POU6F2: variants seen among roughly 807,000 people sequenced by gnomAD.
POU6F2 encodes POU domain, class 6, transcription factor 2.
In POU6F2, 31 loss-of-function variants were observed where a neutral mutation model predicts 71.3. The ratio of observed to expected loss-of-function variants is 0.43; its 90% CI spans 0.33 to 0.59. The LOEUF is 0.59. Among genes scored for constraint, POU6F2 ranks in the 20% least tolerant of loss-of-function variants. POU6F2 has a pLI of 0.04. For synonymous variants in POU6F2, 347 were observed against 355.7 expected (o/e 0.98, Z 0.27); for missense variants, 783 against 856.8 (o/e 0.91, Z 1.07).
At position 39,339,956 on chromosome 7, in the gene POU6F2, C is replaced by T; in HGVS notation, c.913C>T (p.Pro305Ser). The stretch of plus-strand genomic sequence containing the variant: ...GCAGAGCTCCAGCCCCCCGCAGAAA[C>T]CTAGTCAGTCTCCAGGACATGGCCT... ...TQQSSSPPQK[P>S]SQSPGHGLPS... is the part of the protein sequence containing the mutation. Residue 305 changes from proline to serine, a missense_variant, in exon 5 of 10, where the codon CCT becomes TCT. Physicochemically the swap from Pro to Ser is moderately conservative, Grantham distance 74. Coordinates refer to ENST00000518318, the MANE Select transcript of POU6F2 (RefSeq NM_001370959.1). 3 of 1,613,946 alleles carry T rather than the reference C, an allele frequency of 1.9e-6. No individual in the cohort carries two copies. The highest frequency in any genetic ancestry group is 2.5e-6 in the Non-Finnish European group (3 of 1,179,850).
chr7:39,214,551 A>G (rs1794203508), intron 4 of POU6F2, among the ~76,000 whole-genome samples: 1 of 152,128 alleles, frequency 6.6e-6, no homozygotes, highest in Non-Finnish European at 1.5e-5. Context: ...TCTGTGTATG[A>G]TGTATTGCTA....
chr7:39,084,740 G>A (rs991430067), intron 1 of POU6F2, among the ~76,000 whole-genome samples: 9 of 151,900 alleles, frequency 5.9e-5, no homozygotes, highest in African/African-American at 9.7e-5. Context: ...CAGGCATACC[G>A]CAACCAATGC....
At chr7:39,216,445 A>T (rs1376062408) in intron 4 of POU6F2, among the ~76,000 whole-genome samples, 1 of 152,216 alleles carries the variant, frequency 6.6e-6, no homozygotes, top group Non-Finnish European at 1.5e-5. Context: ...GGCATACGAA[A>T]GAATGAATTC....
intron 5 of POU6F2, among the ~76,000 whole-genome samples, chr7:39,344,919 C>A (rs557642744): frequency 6.6e-6 from 1 of 152,122 alleles, no homozygotes; most frequent in Non-Finnish European, 1.5e-5. Flanking sequence ...TAAATCACTA[C>A]GCAGAATTCT....
chr7:39,047,975 A>T (rs1197739480), intron 1 of POU6F2, among the ~76,000 whole-genome samples: 1 of 151,764 alleles, frequency 6.6e-6, no homozygotes, highest in Non-Finnish European at 1.5e-5. Context: ...CTGCAATTTT[A>T]TTTTTTTATG....
chr7:39,228,392 C>T (rs1304168824), intron 4 of POU6F2, among the ~76,000 whole-genome samples: 1 of 152,160 alleles, frequency 6.6e-6, no homozygotes, highest in Non-Finnish European at 1.5e-5. Flanking sequence ...AAGTAGAAAG[C>T]ACATAGCCCT....
intron 5 of POU6F2, among the ~76,000 whole-genome samples, chr7:39,382,746 A>G (rs1583563794): frequency 6.6e-6 from 1 of 152,308 alleles, no homozygotes; most frequent in East Asian, 1.9e-4. Flanking sequence ...CTAGAGCCTT[A>G]GAATAGGGCA....
chr7:39,287,719 C>T (rs1239968106), intron 4 of POU6F2, among the ~76,000 whole-genome samples: 1 of 152,126 alleles, frequency 6.6e-6, no homozygotes, highest in African/African-American at 2.4e-5. Context: ...CTTTGGTTCC[C>T]AGGTGCTTTG....
Position 39,345,036 on chromosome 7 carries a change from A to G in POU6F2, c.972+5021A>G, listed in dbSNP as rs576005897. Among the ~76,000 whole-genome samples the G allele has an allele frequency of 6.8e-4, 103 of 152,354 alleles. 1 individual carries two copies. The South Asian group carries it at 0.019, about 28-fold the overall frequency. ...ATAATGTTTGAATGAAATATTTTCA[A>G]AAATCAAAATGAACGCCAAAAGTCT... is the stretch of plus-strand genomic sequence containing the variant. On this transcript the variant is annotated intron_variant, in intron 5 of 9. Coordinates refer to ENST00000518318, the MANE Select transcript of POU6F2 (RefSeq NM_001370959.1).
intron 4 of POU6F2, among the ~76,000 whole-genome samples, chr7:39,300,653 G>A (rs997034544): frequency 6.6e-6 from 1 of 151,914 alleles, no homozygotes; most frequent in Non-Finnish European, 1.5e-5. Flanking sequence ...TCTGTCCCAG[G>A]CCTCTCTCCT....
chr7:39,056,668 G>C (rs1490448401), intron 1 of POU6F2, among the ~76,000 whole-genome samples: 1 of 130,658 alleles, frequency 7.7e-6, no homozygotes, highest in African/African-American at 2.9e-5. Context: ...CTCTCTGTGT[G>C]TGTGTGTGTA....
At chr7:39,404,124 T>C (rs1787365492) in intron 5 of POU6F2, among the ~76,000 whole-genome samples, 3 of 152,198 alleles carry the variant, frequency 2.0e-5, no homozygotes, top group Non-Finnish European at 4.4e-5. Context: ...GAAATAAACA[T>C]TAAAAATAAG....
intron 1 of POU6F2, among the ~76,000 whole-genome samples, chr7:38,986,334 G>C (rs1788463284): frequency 6.6e-6 from 1 of 152,070 alleles, no homozygotes; most frequent in Non-Finnish European, 1.5e-5. Context: ...GTACTTTGCA[G>C]CTGTTAAACA....
At chr7:38,996,159 C>T (rs1788733637) in intron 1 of POU6F2, among the ~76,000 whole-genome samples, 1 of 151,354 alleles carries the variant, frequency 6.6e-6, no homozygotes, top group South Asian at 2.1e-4. Flanking sequence ...CCTGTCTCAG[C>T]CTCCTGAGTA....
chr7:39,132,908 C>A (rs997710130), intron 2 of POU6F2, among the ~76,000 whole-genome samples: 1 of 151,966 alleles, frequency 6.6e-6, no homozygotes, highest in African/African-American at 2.4e-5. Context: ...GAAATGGAGA[C>A]TAGTTTAAAG....
chr7:39,434,884 T>C (rs1348236220), intron 7 of POU6F2, among the ~76,000 whole-genome samples: 1 of 152,114 alleles, frequency 6.6e-6, no homozygotes, highest in African/African-American at 2.4e-5. Context: ...ACATGAGGTG[T>C]TTGGTTTTCT....
intron 4 of POU6F2, among the ~76,000 whole-genome samples, chr7:39,303,228 A>C (rs1784984746): frequency 6.6e-6 from 1 of 152,082 alleles, no homozygotes; most frequent in African/African-American, 2.4e-5. Flanking sequence ...ACTCACTGCA[A>C]GCTCCGCCTC....
intron 5 of POU6F2, among the ~76,000 whole-genome samples, chr7:39,398,912 C>T (rs1382148760): frequency 1.3e-5 from 2 of 152,184 alleles, no homozygotes; most frequent in African/African-American, 4.8e-5. Context: ...ATTATAATCC[C>T]ATTTTACTAC....
intron 1 of POU6F2, among the ~76,000 whole-genome samples, chr7:39,062,685 G>T (rs1338507608): frequency 1.4e-5 from 2 of 147,874 alleles, no homozygotes; most frequent in African/African-American, 2.5e-5. Flanking sequence ...AACCTTAAAA[G>T]ATATATAATC....
Sources: gnomAD v4.1 joint callset for allele counts (sites outside exome capture counted in the v4.1 genomes callset) on GRCh38, gnomAD v4.1.1 for gene constraint, MANE v1.5 for transcripts, NCBI Gene and HGNC (gene_info 2026-07-23, HGNC 2026-07-21) for gene names.